Variants in SHLD2 observed in about 807,000 individuals in gnomAD.
The protein encoded by SHLD2 is RINN1-REV7-interacting novel NHEJ regulator 2.
In SHLD2, 30 loss-of-function variants were observed where a neutral mutation model predicts 73.2. The ratio of observed to expected loss-of-function variants is 0.41; its 90% CI spans 0.31 to 0.56. The LOEUF (loss-of-function observed/expected upper bound fraction) is 0.56, where lower values mean the gene tolerates loss of function less well. Among genes scored for constraint, SHLD2 ranks in the 20% least tolerant of loss-of-function variants. SHLD2 has a pLI of 0.28. For missense variants in SHLD2, 745 were observed against 1,055.9 expected, an observed-to-expected ratio of 0.71 and a Z score of 4.08; for synonymous variants, 285 against 370.1, an observed-to-expected ratio of 0.77 and a Z score of 2.64.
At chr10:87,097,069 C>T (rs1186224206) in intron 2 of SHLD2, 80 bp downstream of exon 2, 1 of 152,100 alleles carries the variant, frequency 6.6e-6, no homozygotes, top group African/African-American at 2.4e-5. Flanking sequence ...AAAAAACCCA[C>T]GGAGTTTCAG....
chr10:87,173,488 A>G (rs546547327), intron 6 of SHLD2, among the ~76,000 whole-genome samples: 8 of 152,202 alleles, frequency 5.3e-5, no homozygotes, highest in African/African-American at 1.7e-4. Flanking sequence ...GCTTTTTAAA[A>G]TAAAAGAATA....
intron 6 of SHLD2, among the ~76,000 whole-genome samples, chr10:87,171,563 A>G (rs1422114671): frequency 1.3e-5 from 2 of 152,208 alleles, no homozygotes; most frequent in African/African-American, 4.8e-5. Flanking sequence ...AAAATAGTAT[A>G]GTGTCTTCCC....
chr10:87,158,158 A>C lies in SHLD2; in HGVS notation c.1633+3A>C. 1.2e-6 allele frequency: 2 copies of C among 1,609,910 alleles called. No homozygotes were observed. The highest frequency in any genetic ancestry group is 2.2e-5 in the South Asian group (2 of 90,694). On this transcript the variant is annotated splice_donor_region_variant and intron_variant, in intron 4 of 9. Transcript: ENST00000298786. ...TTCATCTATTCAGCCTGAAGAATGT[A>C]AGGCACATTTTAAATGAAGTAATGT...
chr10:87,116,638 G>A (rs192206163), intron 2 of SHLD2, among the ~76,000 whole-genome samples: 1 of 151,816 alleles, frequency 6.6e-6, no homozygotes, highest in Admixed American at 6.6e-5. Flanking sequence ...AGGGGACTGA[G>A]GAGAAAAGGA....
intron 4 of SHLD2, among the ~76,000 whole-genome samples, chr10:87,166,593 G>A (rs951145944): frequency 9.2e-5 from 14 of 152,288 alleles, no homozygotes; most frequent in East Asian, 1.9e-4. Flanking sequence ...AAAAATCCTC[G>A]TAAGATTTCA....
chr10:87,142,043 A>T (rs547254113), intron 2 of SHLD2, among the ~76,000 whole-genome samples: 70 of 149,884 alleles, frequency 4.7e-4, no homozygotes, highest in East Asian at 1.4e-3. Context: ...AAAAAAAAAA[A>T]ATATATCAAA....
chr10:87,155,264 C>T (rs1482970557), intron 3 of SHLD2, among the ~76,000 whole-genome samples: 1 of 152,134 alleles, frequency 6.6e-6, no homozygotes, highest in Non-Finnish European at 1.5e-5. Flanking sequence ...GAGGTAAACA[C>T]AAGATTGTAA....
At chr10:87,127,060 A>G (rs1844060006) in intron 2 of SHLD2, among the ~76,000 whole-genome samples, 1 of 152,136 alleles carries the variant, frequency 6.6e-6, no homozygotes. Context: ...TGACACAGTT[A>G]CATTTATTCC....
chr10:87,148,562 G>C (rs530964784), intron 2 of SHLD2, among the ~76,000 whole-genome samples: 11 of 142,466 alleles, frequency 7.7e-5, no homozygotes, highest in Admixed American at 5.1e-4. Context: ...AGTTTGTGGG[G>C]GGGCGGGGGT....
At chr10:87,096,005 G>A (rs1258699168) in intron 1 of SHLD2, among the ~76,000 whole-genome samples, 1 of 152,200 alleles carries the variant, frequency 6.6e-6, no homozygotes, top group African/African-American at 2.4e-5. Context: ...AGGAATATAT[G>A]TATTTGTTAA....
At chr10:87,158,280 T>C in intron 4 of SHLD2, 125 bp downstream of exon 4, 1 of 888,764 alleles carries the variant, frequency 1.1e-6, no homozygotes, top group Non-Finnish European at 1.6e-6. Flanking sequence ...TATTGGTTTC[T>C]TTTCATTAGT....
At chr10:87,150,042 G>A (rs1318328001) in intron 2 of SHLD2, among the ~76,000 whole-genome samples, 2 of 151,098 alleles carry the variant, frequency 1.3e-5, no homozygotes, top group East Asian at 2.0e-4. Flanking sequence ...GAGCCACCAT[G>A]GCTGGCCAAA....
In SHLD2 at chr10:87,170,405, TA is replaced by T. The variant is rs1340299910; in HGVS notation, c.1634-67del. 1.5e-5 allele frequency: 17 copies of T among 1,106,352 alleles called. No individual in the cohort carries two copies. The East Asian group carries it at 3.5e-4, about 23-fold the overall frequency. 68.5% of individuals were successfully genotyped at this position (1,106,352 alleles called of 1,614,324 possible). On this transcript the variant is annotated intron_variant, in intron 4 of 9. Transcript: ENST00000298786. ...TACTTTACAACATAAAATACAGTTCTAAAAAATATTATTTGTGAAGAAAAAT... is the reference window on the plus strand; with the variant it reads ...TACTTTACAACATAAAATACAGTTCTAAAAATATTATTTGTGAAGAAAAAT...
intron 3 of SHLD2, among the ~76,000 whole-genome samples, chr10:87,157,108 C>T (rs567494539): frequency 2.6e-4 from 39 of 152,158 alleles, no homozygotes; most frequent in East Asian, 1.4e-3. Context: ...AGCAGCATAG[C>T]GTCAACAAAT....
At chr10:87,175,817 T>G (rs922216034) in intron 6 of SHLD2, 72 bp from the exon 7 acceptor site, 22 of 1,421,324 alleles carry the variant, frequency 1.5e-5, no homozygotes, top group Middle Eastern at 2.0e-4. Context: ...ATCAGATCAA[T>G]CTATTTAATC....
At position 87,152,258 on chromosome 10, in the gene SHLD2, A is replaced by T; in HGVS notation, c.904A>T (p.Ser302Cys). The change falls in exon 3 of 10, where the codon AGT becomes TGT. Residue 302 changes from serine to cysteine, a missense_variant. Ser to Cys is a moderately radical substitution (Grantham distance 112). Coordinates refer to ENST00000298786, the MANE Select transcript of SHLD2 (RefSeq NM_001330112.2). ...QLDGFTEAYE[S>C]GQNQAYSLEL... ...TGATGGTTTTACAGAAGCATATGAA[A>T]GTGGACAAAACCAAGCATATTCCCT... The T allele has an allele frequency of 6.4e-7, 1 of 1,562,794 alleles. No homozygotes were observed. Among genetic ancestry groups the T allele is most frequent in the Non-Finnish European group, 8.7e-7 (1 of 1,148,258 alleles).
intron 4 of SHLD2, among the ~76,000 whole-genome samples, chr10:87,164,855 A>G (rs1314674560): frequency 6.6e-6 from 1 of 152,134 alleles, no homozygotes. Flanking sequence ...CTTCCAATGG[A>G]ATTCCAATTA....
intron 2 of SHLD2, among the ~76,000 whole-genome samples, chr10:87,120,470 A>C (rs188537423): frequency 0.025 from 3,814 of 151,718 alleles, 69 homozygotes; most frequent in Middle Eastern, 0.041. Flanking sequence ...GATGGTCTCG[A>C]TCTCCTGACC....
chr10:87,144,852 TC>T (rs1322802673), intron 2 of SHLD2, among the ~76,000 whole-genome samples: 2 of 151,114 alleles, frequency 1.3e-5, no homozygotes, highest in African/African-American at 4.9e-5. Flanking sequence ...GGTCTCGATC[TC>T]CTGACTTCGT....
Sources: gnomAD v4.1 joint callset for allele counts (sites outside exome capture counted in the v4.1 genomes callset) on GRCh38, gnomAD v4.1.1 for gene constraint, MANE v1.5 for transcripts, NCBI Gene and HGNC (gene_info 2026-07-23, HGNC 2026-07-21) for gene names.